The following MCTP1 variants were observed in gnomAD, a reference collection of about 807,000 sequenced individuals.
MCTP1 encodes the protein multiple C2 and transmembrane domain containing 1.
In MCTP1, 69 loss-of-function variants were observed where a neutral mutation model predicts 120.6. The ratio of observed to expected loss-of-function variants is 0.57; its 90% CI spans 0.47 to 0.70. The LOEUF is 0.70. MCTP1 is among the 30% of genes least tolerant of loss of function. The pLI is 0.00. For synonymous variants in MCTP1, 529 were observed against 493.1 expected, an observed-to-expected ratio of 1.07 and a Z score of -0.96; for missense variants, 1,203 against 1,248.8, an observed-to-expected ratio of 0.96 and a Z score of 0.55.
At chr5:94,945,089 T>C (rs1818605011) in intron 3 of MCTP1, among the ~76,000 whole-genome samples, 1 of 152,084 alleles carries the variant, frequency 6.6e-6, no homozygotes, top group Non-Finnish European at 1.5e-5. Flanking sequence ...TTGTATTGAG[T>C]GTCATAAACA....
intron 2 of MCTP1, among the ~76,000 whole-genome samples, chr5:95,010,456 C>T (rs978474579): frequency 1.3e-5 from 2 of 152,134 alleles, no homozygotes; most frequent in African/African-American, 4.8e-5. Flanking sequence ...TCGCAAATCT[C>T]AAGTGACATA....
rs1380180222 is a variant in MCTP1 at position 95,284,578 on chromosome 5, T to A, written c.-3A>T. 2.1e-6 allele frequency: 3 copies of A among 1,422,696 alleles called. No individual in the cohort carries two copies. Among genetic ancestry groups the A allele is most frequent in the Non-Finnish European group, 9.1e-7 (1 of 1,101,648 alleles). The allele number at this position is 1,422,696 out of a possible 1,614,324, so 88.1% of individuals were successfully genotyped here. On this transcript the variant is annotated 5_prime_UTR_variant, in exon 1 of 23. Transcript: ENST00000515393. The surrounding 1 kb of genome is among the most constrained non-coding windows in gnomAD (Gnocchi z 5.2). The stretch of plus-strand genomic sequence containing the variant: ...GCCGCGGCAGCCCGGGGCTCCATCC[T>A]CCACCCCCTGCTCCTCCTCTCCCCT...
chr5:94,890,068 A>T (rs1464267794), intron 11 of MCTP1, among the ~76,000 whole-genome samples: 1 of 152,124 alleles, frequency 6.6e-6, no homozygotes, highest in Non-Finnish European at 1.5e-5. Flanking sequence ...GCATGATAAT[A>T]GCTTACTGTA....
At chr5:94,948,224 A>C (rs899725706) in intron 3 of MCTP1, among the ~76,000 whole-genome samples, 4 of 152,188 alleles carry the variant, frequency 2.6e-5, no homozygotes, top group African/African-American at 9.6e-5. Context: ...TTAATCTCTG[A>C]GTCTCATGTA....
chr5:94,874,608 G>C (rs1342892798), intron 12 of MCTP1, among the ~76,000 whole-genome samples: 1 of 152,068 alleles, frequency 6.6e-6, no homozygotes, highest in Non-Finnish European at 1.5e-5. Context: ...TAAAGGTCTG[G>C]TGAAAATTGT....
At chr5:95,207,090 C>T (rs1751708669) in intron 1 of MCTP1, among the ~76,000 whole-genome samples, 1 of 151,898 alleles carries the variant, frequency 6.6e-6, no homozygotes, top group Admixed American at 6.6e-5. Flanking sequence ...AAGGGTGTGT[C>T]AGGAAAAAAT....
chr5:95,257,928 T>C (rs1758066324), intron 1 of MCTP1, among the ~76,000 whole-genome samples: 1 of 152,040 alleles, frequency 6.6e-6, no homozygotes, highest in Non-Finnish European at 1.5e-5. Context: ...ACAGTAATAT[T>C]GGGTTATAAT....
Position 95,070,268 on chromosome 5 carries a change from G to A in MCTP1, c.721-52784C>T, listed in dbSNP as rs781123111. Among the ~76,000 whole-genome samples, 35 of 152,216 alleles carry A rather than the reference G, an allele frequency of 2.3e-4. 2 individuals are homozygous for A. The highest frequency in any genetic ancestry group is 4.4e-5 in the Non-Finnish European group (3 of 68,040). On this transcript the variant is annotated intron_variant, in intron 1 of 22. Transcript: ENST00000515393. ...GCTTGCCTCTCACCCTCTGAGGAAG[G>A]AGCAGGAGCTGCAGTGTTGCTGCTG...
chr5:95,038,021 T>C (rs1057421454), intron 1 of MCTP1: 2 of 476,710 alleles, frequency 4.2e-6, no homozygotes, highest in East Asian at 1.5e-4. Context: ...GGGCATAGCA[T>C]GTCAATGTGC....
At chr5:95,098,427 CTT>C (rs760474829) in intron 1 of MCTP1, among the ~76,000 whole-genome samples, 5 of 152,182 alleles carry the variant, frequency 3.3e-5, no homozygotes, top group Non-Finnish European at 5.9e-5. Flanking sequence ...TTTTACACAA[CTT>C]ATCAATAATC....
At chr5:95,176,437 A>G (rs943415062) in intron 1 of MCTP1, among the ~76,000 whole-genome samples, 11 of 152,288 alleles carry the variant, frequency 7.2e-5, no homozygotes, top group African/African-American at 2.4e-4. Flanking sequence ...AGGCAGGAGA[A>G]TCGCTTGAAT....
At chr5:94,949,023 A>G (rs1425404439) in intron 3 of MCTP1, among the ~76,000 whole-genome samples, 3 of 152,200 alleles carry the variant, frequency 2.0e-5, no homozygotes, top group Non-Finnish European at 4.4e-5. Flanking sequence ...TAAAATGACC[A>G]TCTTAGAAAC....
At chr5:94,967,181 C>T (rs182173571) in intron 2 of MCTP1, among the ~76,000 whole-genome samples, 114 of 152,272 alleles carry the variant, frequency 7.5e-4, no homozygotes, top group Middle Eastern at 6.8e-3. Flanking sequence ...TTTTTCTCAA[C>T]CACTGTGTAG....
chr5:94,723,455 T>C lies in MCTP1; in HGVS notation c.2611-8569A>G, dbSNP rs148509140. ...TATGCATGTTTAGTTTTGTACCAGG[T>C]GACTCAGTGTTAACTTGTCAGAGTC... On this transcript the variant is annotated intron_variant, in intron 19 of 22. Coordinates refer to ENST00000515393, the MANE Select transcript of MCTP1 (RefSeq NM_024717.7). Among the ~76,000 whole-genome samples the C allele has an allele frequency of 2.9e-3, 438 of 152,334 alleles. 7 individuals carry two copies. Among genetic ancestry groups the C allele is most frequent in the Middle Eastern group, 0.027 (8 of 294 alleles).
At chr5:95,035,406 T>C (rs562421229) in intron 1 of MCTP1, among the ~76,000 whole-genome samples, 7 of 152,068 alleles carry the variant, frequency 4.6e-5, no homozygotes, top group Non-Finnish European at 1.0e-4. Context: ...AATGAAACCA[T>C]GTTCTTTGCA....
chr5:95,025,089 T>C (rs1372836652), intron 1 of MCTP1, among the ~76,000 whole-genome samples: 1 of 152,112 alleles, frequency 6.6e-6, no homozygotes, highest in Non-Finnish European at 1.5e-5. Flanking sequence ...TATGAAGTCA[T>C]AGACAACCCT....
intron 11 of MCTP1, among the ~76,000 whole-genome samples, chr5:94,891,904 T>C (rs1331670903): frequency 6.6e-6 from 1 of 152,196 alleles, no homozygotes; most frequent in Non-Finnish European, 1.5e-5. Flanking sequence ...AAGCCAGAAA[T>C]TTCCATAGCA....
At chr5:94,734,564 C>A (rs1015530444) in intron 19 of MCTP1, among the ~76,000 whole-genome samples, 5 of 152,104 alleles carry the variant, frequency 3.3e-5, no homozygotes, top group African/African-American at 1.2e-4. Context: ...CTAAAGTAAT[C>A]CTCCCACTTC....
chr5:95,284,694 C>CG lies in MCTP1; in HGVS notation c.-120dup. ...GCGCTGGCGGTGGCGGCGGCGGCGG[C>CG]GGCGGGCGCAGCAGCAGAAACCGGG... On this transcript the variant is annotated 5_prime_UTR_variant, in exon 1 of 23. Transcript: ENST00000515393. The surrounding 1 kb of genome is among the most constrained non-coding windows in gnomAD (Gnocchi z 5.2). The CG allele has an allele frequency of 3.5e-6, 3 of 868,376 alleles. No homozygotes were observed. The highest frequency in any genetic ancestry group is 4.9e-6 in the Non-Finnish European group (3 of 617,122). The allele number at this position is 868,376 out of a possible 1,614,324, so 53.8% of individuals were successfully genotyped here. A position where few individuals can be genotyped will look rare whatever the true frequency, so the allele number is the denominator to read the frequency against.
Sources: gnomAD v4.1 joint callset for allele counts (sites outside exome capture counted in the v4.1 genomes callset) on GRCh38, gnomAD v4.1.1 for gene constraint, Gnocchi (gnomAD v3.1) non-coding constraint, MANE v1.5 for transcripts, NCBI Gene and HGNC (gene_info 2026-07-23, HGNC 2026-07-21) for gene names.